The following PRRC2C variants were observed in gnomAD, a reference collection of about 807,000 sequenced individuals.
PRRC2C encodes protein PRRC2C.
Under a neutral mutation model 317.2 loss-of-function variants are expected in PRRC2C, and 72 were observed. The ratio of observed to expected loss-of-function variants is 0.23; its 90% CI spans 0.19 to 0.28. PRRC2C has a LOEUF of 0.28. Among genes scored for constraint, PRRC2C ranks in the 10% least tolerant of loss-of-function variants. The pLI, the probability that PRRC2C is intolerant of heterozygous loss-of-function variation, is 1.00. For missense variants in PRRC2C, 3,074 were observed against 3,459.7 expected, an observed-to-expected ratio of 0.89 and a Z score of 2.80; for synonymous variants, 1,296 against 1,205.9, an observed-to-expected ratio of 1.07 and a Z score of -1.55.
intron 1 of PRRC2C, chr1:171,509,415 C>T (rs1283890214): frequency 6.6e-6 from 1 of 152,056 alleles, no homozygotes; most frequent in African/African-American, 2.4e-5. Flanking sequence ...ATTTCCTAGA[C>T]AAGAGTTTAG....
chr1:171,511,332 G>A (rs1174014511), intron 1 of PRRC2C: 1 of 152,122 alleles, frequency 6.6e-6, no homozygotes, highest in Non-Finnish European at 1.5e-5. Context: ...ACCAAGATGA[G>A]GGTACATTAG....
intron 6 of PRRC2C, 58 bp downstream of exon 6, chr1:171,517,872 G>A: frequency 6.9e-7 from 1 of 1,459,632 alleles, no homozygotes; most frequent in Non-Finnish European, 9.4e-7. Flanking sequence ...TGGGGTCCAA[G>A]GAGCGAATTG....
chr1:171,591,465 C>G, intron 34 of PRRC2C, 122 bp from the exon 35 acceptor site: 1 of 1,145,276 alleles, frequency 8.7e-7, no homozygotes, highest in Non-Finnish European at 1.2e-6. Context: ...GTACTTTTGG[C>G]TTTGGCCAAA....
At chr1:171,560,620 T>C (rs1682494307) in intron 19 of PRRC2C, among the ~76,000 whole-genome samples, 1 of 152,222 alleles carries the variant, frequency 6.6e-6, no homozygotes, top group African/African-American at 2.4e-5. Context: ...AAAAGTACAA[T>C]TCAAAGGCTA....
At chr1:171,588,071 C>T (rs1264910376) in intron 32 of PRRC2C, among the ~76,000 whole-genome samples, 1 of 152,144 alleles carries the variant, frequency 6.6e-6, no homozygotes, top group Non-Finnish European at 1.5e-5. Context: ...CACCTGGGCT[C>T]AAGCAAGCCT....
At chr1:171,486,011 CCA>C (rs1330130089) in intron 1 of PRRC2C, among the ~76,000 whole-genome samples, 1 of 152,054 alleles carries the variant, frequency 6.6e-6, no homozygotes, top group East Asian at 1.9e-4. Context: ...TGTCTTGCTC[CCA>C]CCTAGACCCC....
At chr1:171,590,191 A>G (rs1651113637) in intron 34 of PRRC2C, among the ~76,000 whole-genome samples, 1 of 152,148 alleles carries the variant, frequency 6.6e-6, no homozygotes, top group Non-Finnish European at 1.5e-5. Context: ...CTACCACATG[A>G]GGTGGTTGTA....
rs566576951 is a variant in PRRC2C at position 171,509,077 on chromosome 1, G to A, written c.-57-2955G>A. Reference sequence around the variant, plus strand: ...AATTTTTTGTATTTTTAGTAGAGACGGGTTTCACCGTGTTAGCCAGGATGG... The same window carrying A: ...AATTTTTTGTATTTTTAGTAGAGACAGGTTTCACCGTGTTAGCCAGGATGG... On this transcript the variant is annotated intron_variant, in intron 1 of 34. Transcript: ENST00000647382. 4.9e-3 allele frequency among the ~76,000 whole-genome samples: 737 copies of A among 151,774 alleles called. 4 individuals are homozygous for A. Among genetic ancestry groups the A allele is most frequent in the African/African-American group, 0.017 (685 of 41,388 alleles).
rs1199617522 is a variant in PRRC2C at position 171,532,833 on chromosome 1, T to A, written c.1745T>A (p.Met582Lys). The stretch of plus-strand genomic sequence containing the variant: ...GAAAAGGAAAAAGAACTACAAAAGA[T>A]GAAAGAACAAGAAAAGGAATGTGAG... ...QKEKEKELQK[M>K]KEQEKECELE... Residue 582 changes from methionine (M) to lysine (K), a missense_variant, in exon 12 of 35, where the codon ATG (methionine) becomes AAG (lysine). This residue lies in a region of PRRC2C where 1,320 missense variants were observed against 1,395.7 expected (regional missense o/e 0.95). Transcript: ENST00000647382. 1 of 1,593,860 alleles carries A rather than the reference T, an allele frequency of 6.3e-7. No individual in the cohort carries two copies. The highest frequency in any genetic ancestry group is 2.3e-5 in the East Asian group (1 of 44,408).
chr1:171,564,683 A>G (rs1051595455), intron 20 of PRRC2C, among the ~76,000 whole-genome samples: 5 of 152,210 alleles, frequency 3.3e-5, no homozygotes, highest in African/African-American at 1.2e-4. Context: ...ACAAACCTAT[A>G]CAGCTTATTA....
At position 171,589,983 on chromosome 1, in the gene PRRC2C, C is replaced by CTT. The variant is rs750871044; in HGVS notation, c.8436+394_8436+395dup. On this transcript the variant is annotated intron_variant, in intron 34 of 34. Transcript: ENST00000647382. ...TATTATAGACTTCCCCATTTTCTTT[C>CTT]TTTTTTTTTTTTTTTTTAATATATA... Among the ~76,000 whole-genome samples, 599 of 121,050 alleles carry CTT rather than the reference C, an allele frequency of 4.9e-3. 4 individuals are homozygous for CTT. Among genetic ancestry groups the CTT allele is most frequent in the African/African-American group, 0.013 (461 of 34,156 alleles). The allele number at this position is 121,050 out of a possible 152,430, so 79.4% of individuals were successfully genotyped here.
At position 171,592,855 on chromosome 1, in the gene PRRC2C, T is replaced by C. The variant is rs1651684051; in HGVS notation, c.*1008T>C. ...TCCTTTGGGCCCTCTGCTGGAAAAGTAGAATCAAGTCTCAAATAATGCCTT... is the reference window on the plus strand; with the variant it reads ...TCCTTTGGGCCCTCTGCTGGAAAAGCAGAATCAAGTCTCAAATAATGCCTT... On this transcript the variant is annotated 3_prime_UTR_variant, in exon 35 of 35. Transcript: ENST00000647382. The C allele has an allele frequency of 6.6e-6, 1 of 152,200 alleles. No individual in the cohort carries two copies. Among genetic ancestry groups the C allele is most frequent in the South Asian group, 2.1e-4 (1 of 4,824 alleles). The allele number at this position is 152,200 out of a possible 1,614,324, so 9.4% of individuals were successfully genotyped here. A position where few individuals can be genotyped will look rare whatever the true frequency, so the allele number is the denominator to read the frequency against.
At chr1:171,578,099 A>G (rs1647575948) in intron 26 of PRRC2C, among the ~76,000 whole-genome samples, 2 of 151,666 alleles carry the variant, frequency 1.3e-5, no homozygotes, top group Non-Finnish European at 2.9e-5. Flanking sequence ...CCCAGCCTAA[A>G]TTGGCATAAT....
rs369722482 is a variant in PRRC2C at position 171,577,655 on chromosome 1, G to T, written c.7159+18G>T. Reference sequence around the variant, plus strand: ...TGCAGCAGGTAATGTTTTTAGGCTTGAATATAAGGAATTTAGAAAATGAAG... The same window carrying T: ...TGCAGCAGGTAATGTTTTTAGGCTTTAATATAAGGAATTTAGAAAATGAAG... On this transcript the variant is annotated intron_variant, in intron 26 of 34. Coordinates refer to ENST00000647382, the MANE Select transcript of PRRC2C (RefSeq NM_001387844.1). 27 of 1,591,358 alleles carry T rather than the reference G, an allele frequency of 1.7e-5. No individual in the cohort carries two copies. The highest frequency in any genetic ancestry group is 2.1e-5 in the Non-Finnish European group (24 of 1,160,646).
At chr1:171,528,638 T>G (rs1162503509) in intron 11 of PRRC2C, among the ~76,000 whole-genome samples, 2 of 152,170 alleles carry the variant, frequency 1.3e-5, no homozygotes, top group Non-Finnish European at 2.9e-5. Context: ...CTTTTGCTGC[T>G]CATTCTCTCA....
At position 171,537,478 on chromosome 1, in the gene PRRC2C, T is replaced by G; in HGVS notation, c.2504+5T>G. Reference sequence around the variant, plus strand: ...AGAAGAGCCTGAGGATGTAAGGTAATAAATTATTTCAATTTAATAGATGAT... The same window carrying G: ...AGAAGAGCCTGAGGATGTAAGGTAAGAAATTATTTCAATTTAATAGATGAT... On this transcript the variant is annotated splice_donor_5th_base_variant and intron_variant, in intron 15 of 34. Transcript: ENST00000647382. The G allele has an allele frequency of 6.4e-7, 1 of 1,552,722 alleles. No individual in the cohort carries two copies. The highest frequency in any genetic ancestry group is 1.2e-5 in the South Asian group (1 of 84,174).
Position 171,589,580 on chromosome 1 carries a change from C to T in PRRC2C, c.8411C>T (p.Ala2804Val), listed in dbSNP as rs1418403189. 51 of 1,289,532 alleles carry T rather than the reference C, an allele frequency of 4.0e-5. No individual in the cohort carries two copies. Among genetic ancestry groups the T allele is most frequent in the Non-Finnish European group, 5.0e-5 (49 of 988,792 alleles). 79.9% of individuals were successfully genotyped at this position (1,289,532 alleles called of 1,614,324 possible). ...GTCAGAGGTAATCAGGCCCAGGCTG[C>T]GTTGAAGGCTGAACAAGACATGAAG... ...SGVRGNQAQA[A>V]LKAEQDMKAK... Residue 2804 changes from alanine to valine, a missense_variant, in exon 34 of 35, where the codon GCG becomes GTG. Coordinates refer to ENST00000647382, the MANE Select transcript of PRRC2C (RefSeq NM_001387844.1).
At chr1:171,544,133 G>A (rs537395205) in intron 16 of PRRC2C, among the ~76,000 whole-genome samples, 1 of 151,492 alleles carries the variant, frequency 6.6e-6, no homozygotes, top group Non-Finnish European at 1.5e-5. Flanking sequence ...TATTGAGGGC[G>A]TGGGTGAGGG....
At chr1:171,529,714 T>A (rs1288364964) in intron 11 of PRRC2C, among the ~76,000 whole-genome samples, 1 of 152,236 alleles carries the variant, frequency 6.6e-6, no homozygotes, top group African/African-American at 2.4e-5. Context: ...TTGTTGTCTT[T>A]TTAAAACTAT....
Sources: allele counts gnomAD v4.1 joint callset (sites outside exome capture counted in the v4.1 genomes callset), GRCh38; gene constraint gnomAD v4.1.1; regional missense constraint gnomAD v4.1.1; transcripts MANE v1.5; gene names NCBI Gene and HGNC (gene_info 2026-07-23, HGNC 2026-07-21).